LRRTM4: variants seen among roughly 807,000 people sequenced by gnomAD.
LRRTM4 encodes leucine rich repeat transmembrane neuronal 4.
LRRTM4 carries 25 observed loss-of-function variants against 47.6 expected under a neutral mutation model. That is an observed-to-expected ratio of 0.53 (90% CI 0.38 to 0.73). The LOEUF (loss-of-function observed/expected upper bound fraction) is 0.73. Among genes scored for constraint, LRRTM4 ranks in the 30% least tolerant of loss-of-function variants. LRRTM4 has a pLI of 0.00. For synonymous variants in LRRTM4, 311 were observed against 269.5 expected, an observed-to-expected ratio of 1.15 and a Z score of -1.51; for missense variants, 638 against 713.4, an observed-to-expected ratio of 0.89 and a Z score of 1.20.
At chr2:77,403,909 G>C (rs1440647302) in intron 3 of LRRTM4, among the ~76,000 whole-genome samples, 2 of 147,366 alleles carry the variant, frequency 1.4e-5, no homozygotes, top group African/African-American at 5.4e-5. Flanking sequence ...ATTTCATTGA[G>C]AGGCTTTTCT....
chr2:76,999,566 C>T (rs947284601), intron 3 of LRRTM4, among the ~76,000 whole-genome samples: 9 of 151,992 alleles, frequency 5.9e-5, no homozygotes, highest in Admixed American at 2.0e-4. Context: ...AACAGAGATA[C>T]TCCATTTTGA....
At chr2:76,988,575 T>C (rs1676889231) in intron 3 of LRRTM4, among the ~76,000 whole-genome samples, 1 of 151,794 alleles carries the variant, frequency 6.6e-6, no homozygotes, top group Non-Finnish European at 1.5e-5. Context: ...TTCGAATTCC[T>C]CAAAAAGAAA....
chr2:77,253,344 T>C (rs550862110), intron 3 of LRRTM4, among the ~76,000 whole-genome samples: 7 of 152,178 alleles, frequency 4.6e-5, no homozygotes, highest in African/African-American at 1.7e-4. Flanking sequence ...CACCACTCAG[T>C]AGTAAAGAGG....
chr2:77,093,823 C>T (rs574643658), intron 3 of LRRTM4, among the ~76,000 whole-genome samples: 1 of 151,966 alleles, frequency 6.6e-6, no homozygotes, highest in Non-Finnish European at 1.5e-5. Context: ...GTGTAAATGG[C>T]CGGTCCTTGC....
chr2:77,374,610 C>A (rs1451076731), intron 3 of LRRTM4, among the ~76,000 whole-genome samples: 1 of 151,718 alleles, frequency 6.6e-6, no homozygotes, highest in Non-Finnish European at 1.5e-5. Flanking sequence ...ACCCACTCCT[C>A]AAGCCAGAAT....
chr2:77,032,089 T>C (rs10211427), intron 3 of LRRTM4, among the ~76,000 whole-genome samples: 10,480 of 152,184 alleles, frequency 0.069, 832 homozygotes, highest in African/African-American at 0.18. Flanking sequence ...GCCTAGAATT[T>C]TGTATTCTGC....
intron 3 of LRRTM4, among the ~76,000 whole-genome samples, chr2:76,897,576 G>A (rs1302875097): frequency 6.6e-6 from 1 of 152,104 alleles, no homozygotes; most frequent in East Asian, 1.9e-4. Flanking sequence ...GGAGTAAGAA[G>A]GAGTCTCAAA....
chr2:76,982,204 TCA>T (rs1676635469), intron 3 of LRRTM4, among the ~76,000 whole-genome samples: 1 of 152,082 alleles, frequency 6.6e-6, no homozygotes, highest in South Asian at 2.1e-4. Flanking sequence ...TTCCATTTTC[TCA>T]CTCAGTCTTC....
intron 3 of LRRTM4, among the ~76,000 whole-genome samples, chr2:77,038,363 G>T (rs1405632014): frequency 3.8e-3 from 571 of 151,650 alleles, no homozygotes; most frequent in African/African-American, 0.013. Flanking sequence ...GGCATGTTAA[G>T]CTAACTGCAG....
rs564642308 is a variant in LRRTM4 at position 77,253,793 on chromosome 2, T to A, written c.1551+264525A>T. On this transcript the variant is annotated intron_variant, in intron 3 of 3. Coordinates refer to ENST00000409884, the MANE Select transcript of LRRTM4 (RefSeq NM_001134745.3). ...TCAAAAGTATGTAATCTTCATTTTT[T>A]AAAAAAATTTTATGCAATCTGAACA... 8.6e-5 allele frequency among the ~76,000 whole-genome samples: 13 copies of A among 151,288 alleles called. No individual in the cohort carries two copies. The East Asian group carries it at 1.2e-3, about 13-fold the overall frequency.
intron 3 of LRRTM4, among the ~76,000 whole-genome samples, chr2:76,879,487 C>A (rs1392801581): frequency 1.3e-5 from 2 of 152,248 alleles, no homozygotes; most frequent in East Asian, 3.9e-4. Flanking sequence ...ATTTTAAGGC[C>A]ACTGATGAGA....
intron 3 of LRRTM4, among the ~76,000 whole-genome samples, chr2:76,953,216 AAG>A (rs1278988090): frequency 1.3e-5 from 2 of 151,926 alleles, no homozygotes; most frequent in East Asian, 3.9e-4. Context: ...TTCAAACAAG[AAG>A]AGTTTATGGA....
chr2:77,513,675 C>G (rs1016475030), intron 3 of LRRTM4, among the ~76,000 whole-genome samples: 1 of 152,110 alleles, frequency 6.6e-6, no homozygotes, highest in Non-Finnish European at 1.5e-5. Flanking sequence ...AAGCGATTCT[C>G]TTGCCTCAAC....
rs199940823 is a variant in LRRTM4 at position 77,051,575 on chromosome 2, C to G, written c.1552-302659G>C. On this transcript the variant is annotated intron_variant, in intron 3 of 3. Transcript: ENST00000409884. ...ATTAATTCCACCAGTGAATCACTAG[C>G]CATGTGTGTGAGTGTGCTCCTAAAA... is the stretch of plus-strand genomic sequence containing the variant. Among the ~76,000 whole-genome samples the G allele has an allele frequency of 1.5e-3, 231 of 152,242 alleles. 2 individuals carry two copies. Among genetic ancestry groups the G allele is most frequent in the East Asian group, 7.0e-3 (36 of 5,174 alleles).
At chr2:76,794,320 A>AT (rs1675141884) in intron 3 of LRRTM4, among the ~76,000 whole-genome samples, 1 of 152,196 alleles carries the variant, frequency 6.6e-6, no homozygotes, top group Non-Finnish European at 1.5e-5. Context: ...GTATGAAAGG[A>AT]AGTTATGTGT....
chr2:77,066,468 A>G (rs929525637), intron 3 of LRRTM4, among the ~76,000 whole-genome samples: 1 of 152,338 alleles, frequency 6.6e-6, no homozygotes, highest in East Asian at 1.9e-4. Flanking sequence ...ATTCATTTTT[A>G]AAGTTCAAGC....
chr2:77,130,824 A>T (rs1178098561), intron 3 of LRRTM4, among the ~76,000 whole-genome samples: 767 of 35,168 alleles, frequency 0.022, 6 homozygotes, highest in African/African-American at 0.036. Context: ...TATTTGTTCT[A>T]TTTTTTTTTT....
chr2:77,325,893 C>T lies in LRRTM4; in HGVS notation c.1551+192425G>A, dbSNP rs969120667. Among the ~76,000 whole-genome samples the T allele has an allele frequency of 6.6e-5, 10 of 152,246 alleles. 1 individual carries two copies. The highest frequency in any genetic ancestry group is 8.8e-5 in the Non-Finnish European group (6 of 68,030). On this transcript the variant is annotated intron_variant, in intron 3 of 3. Transcript: ENST00000409884. ...TCAGGACACATTATCCCAAATATGG[C>T]ACCTTGGCATTTGAGAAAACAGTAG...
rs116203928 is a variant in LRRTM4, at chr2:77,275,996, T to C, written c.1551+242322A>G. Among the ~76,000 whole-genome samples, 1,189 of 152,112 alleles carry C rather than the reference T, an allele frequency of 7.8e-3. 11 individuals carry two copies. The highest frequency in any genetic ancestry group is 0.027 in the African/African-American group (1,109 of 41,510). The stretch of plus-strand genomic sequence containing the variant: ...AACTAATTTTCAAAAAATGGGAGTT[T>C]TGGAACTATGGGAAACACATAATCA... On this transcript the variant is annotated intron_variant, in intron 3 of 3. Coordinates refer to ENST00000409884, the MANE Select transcript of LRRTM4 (RefSeq NM_001134745.3).
Sources: allele counts gnomAD v4.1 joint callset (sites outside exome capture counted in the v4.1 genomes callset), GRCh38; gene constraint gnomAD v4.1.1; transcripts MANE v1.5; gene names NCBI Gene and HGNC (gene_info 2026-07-23, HGNC 2026-07-21).